SH3GL1: variants seen among roughly 807,000 people sequenced by gnomAD.
SH3GL1 encodes the protein SH3 domain containing GRB2 like 1, endophilin A2.
SH3GL1 carries 21 observed loss-of-function variants against 48.8 expected under a neutral mutation model. The ratio of observed to expected loss-of-function variants is 0.43; its 90% CI spans 0.30 to 0.62. The LOEUF is 0.62. Ranked by LOEUF, SH3GL1 falls within the 20% of genes least tolerant of loss-of-function variation. SH3GL1 has a pLI of 0.11. For synonymous variants in SH3GL1, 282 were observed against 217.5 expected (o/e 1.30, Z -2.61); for missense variants, 454 against 503.0 (o/e 0.90, Z 0.93).
At chr19:4,365,729 T>A (rs1972762976) in intron 3 of SH3GL1, 104 bp from the exon 4 acceptor site, 7 of 1,510,422 alleles carry the variant, frequency 4.6e-6, no homozygotes, top group East Asian at 4.5e-5. Context: ...TTCCTGTGCC[T>A]GTGGACAGCC....
intron 3 of SH3GL1, among the ~76,000 whole-genome samples, chr19:4,366,272 C>A (rs578250647): frequency 6.6e-6 from 1 of 152,128 alleles, no homozygotes; most frequent in Admixed American, 6.5e-5. Context: ...AAGGCTGGGA[C>A]GGCCCTGAGG....
chr19:4,384,844 C>T (rs1212604218), intron 1 of SH3GL1, among the ~76,000 whole-genome samples: 2 of 152,196 alleles, frequency 1.3e-5, no homozygotes, highest in Admixed American at 6.5e-5. Context: ...TGGCTTACGC[C>T]TGTAATCCCA....
chr19:4,380,676 C>T (rs118177824), intron 1 of SH3GL1, among the ~76,000 whole-genome samples: 286 of 152,300 alleles, frequency 1.9e-3, no homozygotes, highest in Non-Finnish European at 2.0e-3. Flanking sequence ...ACATGATCTG[C>T]TCTGGTGTTT....
At chr19:4,383,849 G>A (rs1199856814) in intron 1 of SH3GL1, among the ~76,000 whole-genome samples, 1 of 152,132 alleles carries the variant, frequency 6.6e-6, no homozygotes, top group Non-Finnish European at 1.5e-5. Context: ...TGCGAGAGCC[G>A]GGAGAAGGCA....
Position 4,361,527 on chromosome 19 carries a change from C to G in SH3GL1, c.*73G>C. On this transcript the variant is annotated 3_prime_UTR_variant, in exon 10 of 10. Transcript: ENST00000269886. ...GACACCGCCCTGGCAGCAGGGGCTC[C>G]GTGGAATGCAGGAGACCCAGCAGGG... is the stretch of plus-strand genomic sequence containing the variant. 5 of 1,212,902 alleles carry G rather than the reference C, an allele frequency of 4.1e-6. No individual in the cohort carries two copies. The highest frequency in any genetic ancestry group is 2.6e-4 in the Middle Eastern group (1 of 3,878). The allele number at this position is 1,212,902 out of a possible 1,614,324, so 75.1% of individuals were successfully genotyped here.
At chr19:4,383,640 T>C (rs1353754521) in intron 1 of SH3GL1, among the ~76,000 whole-genome samples, 1 of 152,190 alleles carries the variant, frequency 6.6e-6, no homozygotes, top group Non-Finnish European at 1.5e-5. Context: ...ACATGGTTTC[T>C]CTGTGAGGCT....
At chr19:4,399,557 G>A (rs906865217) in intron 1 of SH3GL1, among the ~76,000 whole-genome samples, 2 of 152,172 alleles carry the variant, frequency 1.3e-5, no homozygotes, top group African/African-American at 4.8e-5. Flanking sequence ...ACGACTTGGG[G>A]GTGCTCCTGG....
At chr19:4,383,045 A>T (rs1045161381) in intron 1 of SH3GL1, among the ~76,000 whole-genome samples, 1 of 152,042 alleles carries the variant, frequency 6.6e-6, no homozygotes, top group African/African-American at 2.4e-5. Context: ...CAGGCTTCTG[A>T]GTAATTGTGA....
At chr19:4,390,757 G>A (rs1398886057) in intron 1 of SH3GL1, 7 of 119,352 alleles carry the variant, frequency 5.9e-5, no homozygotes, top group Admixed American at 1.8e-4. Flanking sequence ...CCCCCACCCC[G>A]GGGCAATGCT....
In SH3GL1 at chr19:4,400,234, C is replaced by G; in HGVS notation, c.45+90G>C. 7.0e-7 allele frequency: 1 copy of G among 1,428,738 alleles called. No homozygotes were observed. Among genetic ancestry groups the G allele is most frequent in the South Asian group, 1.2e-5 (1 of 81,286 alleles). The allele number at this position is 1,428,738 out of a possible 1,614,324, so 88.5% of individuals were successfully genotyped here. The stretch of plus-strand genomic sequence containing the variant: ...CGCCAACGTCCCCACCTCGGTCCCC[C>G]CGGCCCCCTCCCGGGCCAGGTCGGG... On this transcript the variant is annotated intron_variant, in intron 1 of 9. Transcript: ENST00000269886. The surrounding 1 kb of genome is among the most constrained non-coding windows in gnomAD (Gnocchi z 4.1).
At position 4,361,542 on chromosome 19, in the gene SH3GL1, A is replaced by T. The variant is rs1032686527; in HGVS notation, c.*58T>A. 5 of 1,330,118 alleles carry T rather than the reference A, an allele frequency of 3.8e-6. No individual in the cohort carries two copies. The highest frequency in any genetic ancestry group is 5.2e-6 in the Non-Finnish European group (5 of 958,744). 82.4% of individuals were successfully genotyped at this position (1,330,118 alleles called of 1,614,324 possible). On this transcript the variant is annotated 3_prime_UTR_variant, in exon 10 of 10. Coordinates refer to ENST00000269886, the MANE Select transcript of SH3GL1 (RefSeq NM_003025.4). ...GCAGGGGCTCCGTGGAATGCAGGAG[A>T]CCCAGCAGGGGGTGCCGGCCAGTGT...
intron 1 of SH3GL1, among the ~76,000 whole-genome samples, chr19:4,390,989 GA>G (rs1973327661): frequency 6.6e-6 from 1 of 152,210 alleles, no homozygotes; most frequent in East Asian, 1.9e-4. Flanking sequence ...CACGGAGGAG[GA>G]AAAGGGCTAA....
rs778499476 is a variant in SH3GL1 at position 4,361,824 on chromosome 19, G to T, written c.911-28C>A. The T allele has an allele frequency of 3.1e-5, 47 of 1,533,438 alleles. No individual in the cohort carries two copies. The Middle Eastern group carries it at 5.0e-4, about 16-fold the overall frequency. The allele number at this position is 1,533,438 out of a possible 1,614,324, so 95.0% of individuals were successfully genotyped here. ...GGGGGCGGGAGCGGGCTGTGGGGCT[G>T]GGGCTGCTACGCCTCACCCCGCCCA... On this transcript the variant is annotated intron_variant, in intron 9 of 9. Transcript: ENST00000269886.
At chr19:4,383,415 G>A (rs1973175686) in intron 1 of SH3GL1, among the ~76,000 whole-genome samples, 1 of 150,136 alleles carries the variant, frequency 6.7e-6, no homozygotes, top group South Asian at 2.1e-4. Context: ...TGGTATTTTT[G>A]TAGAGACGGG....
rs1973494681 is a variant in SH3GL1, at chr19:4,400,065, T to C, written c.45+259A>G. 1.3e-5 allele frequency among the ~76,000 whole-genome samples: 2 copies of C among 151,754 alleles called. No homozygotes were observed. Among genetic ancestry groups the C allele is most frequent in the South Asian group, 4.2e-4 (2 of 4,814 alleles). ...GCAGCGGAGAGAAGGAGGGGAGAGGTCCGCGTCCCTGGGCAGCCCAGGGTG... is the reference window on the plus strand; with the variant it reads ...GCAGCGGAGAGAAGGAGGGGAGAGGCCCGCGTCCCTGGGCAGCCCAGGGTG... On this transcript the variant is annotated intron_variant, in intron 1 of 9. Coordinates refer to ENST00000269886, the MANE Select transcript of SH3GL1 (RefSeq NM_003025.4). The surrounding 1 kb of genome is among the most constrained non-coding windows in gnomAD (Gnocchi z 4.1).
intron 1 of SH3GL1, among the ~76,000 whole-genome samples, chr19:4,369,743 G>A (rs1212348343): frequency 7.2e-5 from 11 of 152,190 alleles, no homozygotes; most frequent in Admixed American, 3.3e-4. Context: ...CCTGACACCC[G>A]GGAGGCTGTG....
Position 4,366,520 on chromosome 19 carries a change from C to T in SH3GL1, c.168G>A (p.Glu56=), listed in dbSNP as rs1036023718. ...AVTEVLARTI[E]YLQPNPASRA... ...ACCCACCTGGGTTGGGCTGCAGGTA[C>T]TCGATGGTCCTGGCCAGCACTTCTG... The change falls in exon 3 of 10, where the codon GAG becomes GAA. Residue 56 remains glutamate (E), a synonymous_variant. Coordinates refer to ENST00000269886, the MANE Select transcript of SH3GL1 (RefSeq NM_003025.4). The T allele has an allele frequency of 2.4e-5, 39 of 1,611,086 alleles. No individual in the cohort carries two copies. The highest frequency in any genetic ancestry group is 3.0e-5 in the Non-Finnish European group (35 of 1,179,464).
At chr19:4,370,676 G>A (rs1230042403) in intron 1 of SH3GL1, among the ~76,000 whole-genome samples, 1 of 152,246 alleles carries the variant, frequency 6.6e-6, no homozygotes, top group Admixed American at 6.5e-5. Context: ...GCCCAAGAGG[G>A]AACAGTCTCC....
rs143377548 is a variant in SH3GL1 at position 4,381,027 on chromosome 19, C to A, written c.46-14033G>T. On this transcript the variant is annotated intron_variant, in intron 1 of 9. Coordinates refer to ENST00000269886, the MANE Select transcript of SH3GL1 (RefSeq NM_003025.4). Reference sequence around the variant, plus strand: ...GGAAAAAACAACTCTGTTTCCCCACCGGCCTCCTCTCCCTCTCTCTGTTCC... The same window carrying A: ...GGAAAAAACAACTCTGTTTCCCCACAGGCCTCCTCTCCCTCTCTCTGTTCC... 6.9e-3 allele frequency among the ~76,000 whole-genome samples: 1,046 copies of A among 151,828 alleles called. 6 individuals are homozygous for A. The highest frequency in any genetic ancestry group is 0.011 in the Non-Finnish European group (776 of 67,884).
Sources: gnomAD v4.1 joint callset for allele counts (sites outside exome capture counted in the v4.1 genomes callset) on GRCh38, gnomAD v4.1.1 for gene constraint, Gnocchi (gnomAD v3.1) non-coding constraint, MANE v1.5 for transcripts, NCBI Gene and HGNC (gene_info 2026-07-23, HGNC 2026-07-21) for gene names.